Variants in CASKIN1 observed in about 807,000 individuals in gnomAD.
The protein encoded by CASKIN1 is caskin-1.
CASKIN1 carries 42 observed loss-of-function variants against 117.5 expected under a neutral mutation model. That is an observed-to-expected ratio of 0.36 (90% CI 0.28 to 0.46). The LOEUF is 0.46. Among genes scored for constraint, CASKIN1 ranks in the 20% least tolerant of loss-of-function variants. The pLI is 1.00. For missense variants in CASKIN1, 2,083 were observed against 2,077.3 expected, an observed-to-expected ratio of 1.00 and a Z score of -0.05; for synonymous variants, 1,148 against 961.7, an observed-to-expected ratio of 1.19 and a Z score of -3.59.
chr16:2,187,654 C>A (rs527776328), intron 6 of CASKIN1, among the ~76,000 whole-genome samples, 193 bp from the exon 7 acceptor site: 1 of 152,288 alleles, frequency 6.6e-6, no homozygotes, highest in Non-Finnish European at 1.5e-5. Flanking sequence ...GGAGTTTCAC[C>A]CTTGTCGCCC....
chr16:2,193,440 C>G (rs2093206493), intron 1 of CASKIN1, among the ~76,000 whole-genome samples: 1 of 152,200 alleles, frequency 6.6e-6, no homozygotes, highest in Non-Finnish European at 1.5e-5. Context: ...TGTCACTGTC[C>G]CGTGCATCCC....
Position 2,181,831 on chromosome 16 carries a change from G to A in CASKIN1, c.1728C>T (p.Ile576=), listed in dbSNP as rs766051280. 7.3e-5 allele frequency: 118 copies of A among 1,613,754 alleles called. 2 individuals are homozygous for A. In the South Asian group the frequency reaches 1.3e-3, roughly 17 times the overall value. Residue 576 remains isoleucine (I), a synonymous_variant, in exon 17 of 20, where the codon ATC becomes ATT. Transcript: ENST00000343516. ...CGATCTCCTGCAGGTCCTCCCAGGT[G>A]ATGTCGGTGATGAAATCAATGTTCT... ...GYENIDFITD[I]TWEDLQEIGI...
chr16:2,178,101 C>T lies in CASKIN1; in HGVS notation c.*449G>A. 1 of 504,772 alleles carries T rather than the reference C, an allele frequency of 2.0e-6. No individual in the cohort carries two copies. The allele number at this position is 504,772 out of a possible 1,614,324, so 31.3% of individuals were successfully genotyped here. On this transcript the variant is annotated 3_prime_UTR_variant, in exon 20 of 20. Coordinates refer to ENST00000343516, the MANE Select transcript of CASKIN1 (RefSeq NM_020764.4). Reference sequence around the variant, plus strand: ...CTGGGGAAATCCGCCTCAGCTCATTCCCAATAAATTAATACTCTTGATAGC... The same window carrying T: ...CTGGGGAAATCCGCCTCAGCTCATTTCCAATAAATTAATACTCTTGATAGC...
rs1420305772 is a variant in CASKIN1 at position 2,178,653 on chromosome 16, G to T, written c.4200-7C>A. Reference sequence around the variant, plus strand: ...CTTTTCCGCCGCCGAGTCGCTGCGGGGCGCGGGGCAAGGGGCGTGAGTGGG... The same window carrying T: ...CTTTTCCGCCGCCGAGTCGCTGCGGTGCGCGGGGCAAGGGGCGTGAGTGGG... On this transcript the variant is annotated splice_region_variant and splice_polypyrimidine_tract_variant and intron_variant, in intron 19 of 19. Coordinates refer to ENST00000343516, the MANE Select transcript of CASKIN1 (RefSeq NM_020764.4). 4 of 1,584,514 alleles carry T rather than the reference G, an allele frequency of 2.5e-6. No individual in the cohort carries two copies. Among genetic ancestry groups the T allele is most frequent in the Non-Finnish European group, 3.4e-6 (4 of 1,172,792 alleles).
rs2093147757 is a variant in CASKIN1, at chr16:2,177,951, GC to G, written c.*598del. On this transcript the variant is annotated 3_prime_UTR_variant, in exon 20 of 20. Coordinates refer to ENST00000343516, the MANE Select transcript of CASKIN1 (RefSeq NM_020764.4). ...GAAGGACCGCAGGCAGACAGCCTGGGCCTCTAACAGCTTTTGTCCGGAGCTA... is the reference window on the plus strand; with the variant it reads ...GAAGGACCGCAGGCAGACAGCCTGGGCTCTAACAGCTTTTGTCCGGAGCTA... The G allele has an allele frequency of 2.8e-6, 1 of 362,762 alleles. No individual in the cohort carries two copies. The highest frequency in any genetic ancestry group is 2.2e-5 in the African/African-American group (1 of 46,194). 22.5% of individuals were successfully genotyped at this position (362,762 alleles called of 1,614,324 possible).
chr16:2,187,460 G>T lies in CASKIN1; in HGVS notation c.619C>A (p.Leu207Ile). The T allele has an allele frequency of 6.2e-7, 1 of 1,602,982 alleles. No homozygotes were observed. The highest frequency in any genetic ancestry group is 8.5e-7 in the Non-Finnish European group (1 of 1,179,664). Reference sequence around the variant, plus strand: ...ATGTCGATGCCGGCTTGGAGGAGGAGCCTGGCGGGAAGGCAAGGTGGACAG... The same window carrying T: ...ATGTCGATGCCGGCTTGGAGGAGGATCCTGGCGGGAAGGCAAGGTGGACAG... ...AKNGHIDIIR[L>I]LLQAGIDINR... Residue 207 changes from leucine (L) to isoleucine (I), a missense_variant and splice_region_variant, in exon 7 of 20, where the codon CTC becomes ATC. Leu to Ile is a conservative substitution (Grantham distance 5). This residue lies in a region of CASKIN1 where 203 missense variants were observed against 338.7 expected (regional missense o/e 0.60). Coordinates refer to ENST00000343516, the MANE Select transcript of CASKIN1 (RefSeq NM_020764.4).
rs767886341 is a variant in CASKIN1, at chr16:2,181,415, G to A, written c.1953C>T (p.Thr651=). ...CGTCACTGAGCTCGCTGTCCTGGAA[G>A]GTGGTCATTTTAGGGGACTGGCAGT... The part of the protein sequence containing the change: ...PADCQSPKMT[T]FQDSELSDEL... The change falls in exon 18 of 20, where the codon ACC becomes ACT. Residue 651 remains threonine (T), a synonymous_variant. Transcript: ENST00000343516. 15 of 1,612,098 alleles carry A rather than the reference G, an allele frequency of 9.3e-6. No homozygotes were observed. The highest frequency in any genetic ancestry group is 2.2e-5 in the East Asian group (1 of 44,868).
Position 2,180,983 on chromosome 16 carries a change from A to G in CASKIN1, c.2385T>C (p.His795=). 2.7e-6 allele frequency: 4 copies of G among 1,473,534 alleles called. No homozygotes were observed. Among genetic ancestry groups the G allele is most frequent in the Non-Finnish European group, 2.7e-6 (3 of 1,117,278 alleles). 91.3% of individuals were successfully genotyped at this position (1,473,534 alleles called of 1,614,324 possible). ...PGSPQALGGP[H]GPAPATAKVK... is the part of the protein sequence containing the mutation. ...CCTTGGCCGTAGCTGGGGCTGGACC[A>G]TGAGGTCCCCCAAGGGCCTGGGGAG... Residue 795 remains histidine (H), a synonymous_variant, in exon 18 of 20, where the codon CAT becomes CAC. Transcript: ENST00000343516.
intron 1 of CASKIN1, among the ~76,000 whole-genome samples, chr16:2,191,134 C>T (rs893865213): frequency 1.3e-5 from 2 of 152,198 alleles, no homozygotes; most frequent in African/African-American, 2.4e-5. Flanking sequence ...GCCAAACCCC[C>T]GCCTATCTGG....
Position 2,182,860 on chromosome 16 carries a change from G to A in CASKIN1, c.1629+786C>T, listed in dbSNP as rs112674749. ...GGCTGGAGTGCAGTGGCGCAATCTCGGCTCACTGCAAGCTCCGCCTCCCGG... is the reference window on the plus strand; with the variant it reads ...GGCTGGAGTGCAGTGGCGCAATCTCAGCTCACTGCAAGCTCCGCCTCCCGG... On this transcript the variant is annotated intron_variant, in intron 16 of 19. Transcript: ENST00000343516. This position sits in a 1 kb window ranked among gnomAD's most constrained non-coding sequence, Gnocchi z 4.1. Among the ~76,000 whole-genome samples, 16 of 152,310 alleles carry A rather than the reference G, an allele frequency of 1.1e-4. No individual in the cohort carries two copies. The highest frequency in any genetic ancestry group is 2.6e-4 in the Admixed American group (4 of 15,304).
Position 2,183,814 on chromosome 16 carries a change from G to C in CASKIN1, c.1527+17C>G. ...CTGTGGGACGCAGCTGGCGCTGGCG[G>C]CGCATGGAAAGCTCACCTCGGGAGT... On this transcript the variant is annotated intron_variant, in intron 15 of 19. Transcript: ENST00000343516. 5 of 1,611,890 alleles carry C rather than the reference G, an allele frequency of 3.1e-6. No individual in the cohort carries two copies. The South Asian group carries it at 5.5e-5, about 18-fold the overall frequency.
At chr16:2,189,784 A>C (rs892830053) in intron 3 of CASKIN1, among the ~76,000 whole-genome samples, 8 of 146,404 alleles carry the variant, frequency 5.5e-5, no homozygotes, top group African/African-American at 2.0e-4. Flanking sequence ...GGAGGTGGGA[A>C]TGCTGGGAGC....
In CASKIN1 at chr16:2,196,468, G is replaced by A. The variant is rs745687953; in HGVS notation, c.-36C>T. On this transcript the variant is annotated 5_prime_UTR_variant, in exon 1 of 20. The change creates a new upstream start codon in the 5' untranslated region. Transcript: ENST00000343516. The surrounding 1 kb of genome is among the most constrained non-coding windows in gnomAD (Gnocchi z 5.7). Reference sequence around the variant, plus strand: ...GGGCCGCAGCGACGCGGCTGCGCTCGTGAGCTCGGCGCGGCTCAGAGGCGG... The same window carrying A: ...GGGCCGCAGCGACGCGGCTGCGCTCATGAGCTCGGCGCGGCTCAGAGGCGG... 1 of 1,094,126 alleles carries A rather than the reference G, an allele frequency of 9.1e-7. No individual in the cohort carries two copies. The highest frequency in any genetic ancestry group is 1.1e-6 in the Non-Finnish European group (1 of 888,074). 67.8% of individuals were successfully genotyped at this position (1,094,126 alleles called of 1,614,324 possible).
rs1422694858 is a variant in CASKIN1 at position 2,180,060 on chromosome 16, G to A, written c.3308C>T (p.Pro1103Leu). 1 of 1,583,984 alleles carries A rather than the reference G, an allele frequency of 6.3e-7. No individual in the cohort carries two copies. The highest frequency in any genetic ancestry group is 1.8e-5 in the Admixed American group (1 of 56,782). The stretch of plus-strand genomic sequence containing the variant: ...TTCGACACCCGCCTCGCCCTTGGAG[G>A]GACCCCGAGGCCGCTGCCGGCCAGT... ...DGTGRQRPRG[P>L]SKGEAGVEGP... Residue 1103 changes from proline to leucine, a missense_variant, in exon 18 of 20, where the codon CCC (proline) becomes CTC (leucine). Transcript: ENST00000343516.
At position 2,183,556 on chromosome 16, in the gene CASKIN1, G is replaced by A. The variant is rs116507463; in HGVS notation, c.1629+90C>T. On this transcript the variant is annotated intron_variant, in intron 16 of 19. Transcript: ENST00000343516. ...CCTCTCCCTCAAGCCCCTGAGGGCG[G>A]GTGGGAGTTGTGGCCAGGGAGGCAG... 4,808 of 1,269,364 alleles carry A rather than the reference G, an allele frequency of 3.8e-3. 95 individuals are homozygous for A. In the African/African-American group the frequency reaches 0.048, roughly 13 times the overall value. 78.6% of individuals were successfully genotyped at this position (1,269,364 alleles called of 1,614,324 possible). A position where few individuals can be genotyped will look rare whatever the true frequency, so the allele number is the denominator to read the frequency against.
At position 2,179,909 on chromosome 16, in the gene CASKIN1, C is replaced by T. The variant is rs1390842726; in HGVS notation, c.3459G>A (p.Lys1153=). The T allele has an allele frequency of 3.7e-6, 6 of 1,605,494 alleles. No homozygotes were observed. Among genetic ancestry groups the T allele is most frequent in the East Asian group, 2.2e-5 (1 of 44,548 alleles). ...TESDTVKRRP[K]AKEREAGPEP... ...CAGGCCCGGCCTCCCGCTCCTTGGCCTTGGGCCTGCGCTTGACCGTGTCAG... is the reference window on the plus strand; with the variant it reads ...CAGGCCCGGCCTCCCGCTCCTTGGCTTTGGGCCTGCGCTTGACCGTGTCAG... The change falls in exon 18 of 20, where the codon AAG becomes AAA. Residue 1153 remains lysine, a synonymous_variant. Coordinates refer to ENST00000343516, the MANE Select transcript of CASKIN1 (RefSeq NM_020764.4). The surrounding 1 kb of genome is among the most constrained non-coding windows in gnomAD (Gnocchi z 5.8).
intron 17 of CASKIN1, 65 bp from the exon 18 acceptor site, chr16:2,181,664 G>T: frequency 1.4e-6 from 2 of 1,466,164 alleles, no homozygotes; most frequent in Non-Finnish European, 1.8e-6. Context: ...CCGGGCTAGG[G>T]GCGGGGCTGG....
At chr16:2,187,574 G>A (rs2093188621) in intron 6 of CASKIN1, 113 bp from the exon 7 acceptor site, 4 of 811,886 alleles carry the variant, frequency 4.9e-6, no homozygotes, top group African/African-American at 1.7e-5. Flanking sequence ...GGGGGCTGAG[G>A]ACCGTCCAGC....
chr16:2,183,236 T>A (rs1446968635), intron 16 of CASKIN1, among the ~76,000 whole-genome samples: 1 of 152,146 alleles, frequency 6.6e-6, no homozygotes, highest in Non-Finnish European at 1.5e-5. Flanking sequence ...CATGCACACC[T>A]GCCAGGCGTG....
Sources: allele counts gnomAD v4.1 joint callset (sites outside exome capture counted in the v4.1 genomes callset), GRCh38; gene constraint gnomAD v4.1.1; regional missense constraint gnomAD v4.1.1; non-coding constraint Gnocchi (gnomAD v3.1); transcripts MANE v1.5; gene names NCBI Gene and HGNC (gene_info 2026-07-23, HGNC 2026-07-21).